The following ALDH9A1 variants were observed in gnomAD, a reference collection of about 807,000 sequenced individuals.
ALDH9A1 encodes the protein 4-trimethylaminobutyraldehyde dehydrogenase.
Under a neutral mutation model 56.6 loss-of-function variants are expected in ALDH9A1, and 42 were observed. The ratio of observed to expected loss-of-function variants is 0.74; its 90% CI spans 0.58 to 0.96. The LOEUF (loss-of-function observed/expected upper bound fraction) is 0.96. Among genes scored for constraint, ALDH9A1 ranks in the 40% least tolerant of loss-of-function variants. ALDH9A1 has a pLI of 0.00. For missense variants in ALDH9A1, 661 were observed against 651.5 expected, an observed-to-expected ratio of 1.01 and a Z score of -0.16; for synonymous variants, 242 against 236.0, an observed-to-expected ratio of 1.03 and a Z score of -0.23.
At chr1:165,697,212 T>C (rs1650117398) in intron 1 of ALDH9A1, among the ~76,000 whole-genome samples, 2 of 152,204 alleles carry the variant, frequency 1.3e-5, no homozygotes, top group Admixed American at 6.5e-5. Flanking sequence ...CATTAAGCAC[T>C]GGATTAAAAA....
chr1:165,675,812 C>T (rs1020705832), intron 6 of ALDH9A1, among the ~76,000 whole-genome samples: 2 of 152,140 alleles, frequency 1.3e-5, no homozygotes, highest in African/African-American at 4.8e-5. Flanking sequence ...CTTTTGAACA[C>T]AGTATTCTGA....
chr1:165,678,656 C>A (rs1649445988), intron 6 of ALDH9A1, among the ~76,000 whole-genome samples: 1 of 152,156 alleles, frequency 6.6e-6, no homozygotes, highest in African/African-American at 2.4e-5. Flanking sequence ...CCTACAAGAT[C>A]TTATTAACCA....
At chr1:165,687,143 G>T (rs958780849) in intron 2 of ALDH9A1, among the ~76,000 whole-genome samples, 7 of 151,982 alleles carry the variant, frequency 4.6e-5, no homozygotes, top group African/African-American at 1.5e-4. Context: ...CACACACAGG[G>T]GGTGGGAGGG....
chr1:165,672,751 A>T (rs770161368), intron 6 of ALDH9A1, among the ~76,000 whole-genome samples: 9 of 152,184 alleles, frequency 5.9e-5, no homozygotes, highest in South Asian at 2.1e-4. Flanking sequence ...AGCATGGGCA[A>T]CATGGCGAAA....
At chr1:165,681,304 CT>C (rs1420254967) in intron 4 of ALDH9A1, among the ~76,000 whole-genome samples, 3 of 152,208 alleles carry the variant, frequency 2.0e-5, no homozygotes, top group Admixed American at 2.0e-4. Flanking sequence ...TCATTTAACA[CT>C]TTCAACAGCA....
At chr1:165,680,429 A>G in intron 5 of ALDH9A1, 58 bp downstream of exon 5, 2 of 1,565,162 alleles carry the variant, frequency 1.3e-6, no homozygotes, top group Non-Finnish European at 1.7e-6. Context: ...TCTGGGTAGG[A>G]CCGGATTTGC....
rs772075459 is a variant in ALDH9A1, at chr1:165,667,434, G to A, written c.1224C>T (p.Asp408=). The change falls in exon 9 of 11, where the codon GAC becomes GAT. Residue 408 remains aspartate (D), a synonymous_variant. Transcript: ENST00000354775. ...RPCVLTNCRD[D]MTCVKEEIFG... is the part of the protein sequence containing the mutation. ...AGATCTCTTCCTTCACACAGGTCAT[G>A]TCGTCTCTGCAATTAGCTGCAAACA... is the stretch of plus-strand genomic sequence containing the variant. The A allele has an allele frequency of 2.5e-6, 4 of 1,613,998 alleles. No individual in the cohort carries two copies. Among genetic ancestry groups the A allele is most frequent in the Non-Finnish European group, 3.4e-6 (4 of 1,179,958 alleles).
intron 6 of ALDH9A1, among the ~76,000 whole-genome samples, chr1:165,677,985 A>G (rs1649421631): frequency 6.6e-6 from 1 of 152,154 alleles, no homozygotes; most frequent in African/African-American, 2.4e-5. Flanking sequence ...CAGTGAGCTG[A>G]GATCGTGCCA....
chr1:165,676,081 T>C (rs1327961933), intron 6 of ALDH9A1, among the ~76,000 whole-genome samples: 1 of 152,162 alleles, frequency 6.6e-6, no homozygotes, highest in Admixed American at 6.5e-5. Flanking sequence ...TTAAAGTATC[T>C]GGATGAACTT....
Position 165,698,515 on chromosome 1 carries a change from CGAA to C in ALDH9A1, c.41_43del (p.Leu14del), listed in dbSNP as rs1474462996. The stretch of plus-strand genomic sequence containing the variant: ...GGCGACAGGAGAGGGCCGAAGACTG[CGAA>C]GAAGCGGGGAGAGCGCGGCCAGGCC... On this transcript the variant is annotated inframe_deletion, in exon 1 of 11. Transcript: ENST00000354775. 4.3e-6 allele frequency: 7 copies of C among 1,610,142 alleles called. No homozygotes were observed. The Admixed American group carries it at 6.7e-5, about 15-fold the overall frequency.
At chr1:165,695,962 C>T (rs1650069430) in intron 1 of ALDH9A1, among the ~76,000 whole-genome samples, 1 of 152,104 alleles carries the variant, frequency 6.6e-6, no homozygotes, top group South Asian at 2.1e-4. Context: ...AGCAATTCTC[C>T]TGCCTCAGCC....
intron 2 of ALDH9A1, among the ~76,000 whole-genome samples, chr1:165,683,929 A>C (rs1479958055): frequency 6.6e-6 from 1 of 152,238 alleles, no homozygotes; most frequent in Non-Finnish European, 1.5e-5. Context: ...CCAATTTAAA[A>C]TAAATAATAG....
intron 6 of ALDH9A1, among the ~76,000 whole-genome samples, chr1:165,674,228 A>T (rs1649270091): frequency 6.6e-6 from 1 of 151,678 alleles, no homozygotes; most frequent in African/African-American, 2.4e-5. Flanking sequence ...TAACCACAAA[A>T]AGGGGCAACC....
At chr1:165,667,188 G>T in intron 9 of ALDH9A1, 121 bp downstream of exon 9, 3 of 1,344,430 alleles carry the variant, frequency 2.2e-6, no homozygotes, top group Non-Finnish European at 1.0e-6. Context: ...GAAGCAAACA[G>T]AAAGTGCTGA....
chr1:165,680,323 C>T (rs1649505510), intron 5 of ALDH9A1, among the ~76,000 whole-genome samples, 164 bp downstream of exon 5: 1 of 152,176 alleles, frequency 6.6e-6, no homozygotes, highest in Non-Finnish European at 1.5e-5. Context: ...CCCCTTCATA[C>T]TTTTACAGGA....
At chr1:165,667,796 T>C (rs931154867) in intron 8 of ALDH9A1, among the ~76,000 whole-genome samples, 1 of 152,210 alleles carries the variant, frequency 6.6e-6, no homozygotes, top group East Asian at 1.9e-4. Context: ...GCATCAAATA[T>C]GAAGTTGTTA....
intron 6 of ALDH9A1, among the ~76,000 whole-genome samples, chr1:165,670,945 C>T (rs1649159823): frequency 7.4e-6 from 1 of 134,664 alleles, no homozygotes; most frequent in South Asian, 2.4e-4. Context: ...TGGTGGTGCA[C>T]ACCTATAGTC....
chr1:165,690,815 G>T (rs1410887204), intron 2 of ALDH9A1, among the ~76,000 whole-genome samples: 1 of 152,198 alleles, frequency 6.6e-6, no homozygotes, highest in South Asian at 2.1e-4. Flanking sequence ...TGGGGGAGGG[G>T]CGTCTGCCAT....
rs149609459 is a variant in ALDH9A1 at position 165,698,454 on chromosome 1, C to T, written c.105G>A (p.Pro35=). 1.7e-5 allele frequency: 28 copies of T among 1,605,954 alleles called. No homozygotes were observed. The highest frequency in any genetic ancestry group is 1.7e-4 in the Middle Eastern group (1 of 6,056). The change falls in exon 1 of 11, where the codon CCG becomes CCA. Residue 35 remains proline, a synonymous_variant. Coordinates refer to ENST00000354775, the MANE Select transcript of ALDH9A1 (RefSeq NM_000696.4). ...CGCGGGCCCCGCCGCGGTAATTGAGCGGCTGCGACACGACGAAGGTGCCAG... is the reference window on the plus strand; with the variant it reads ...CGCGGGCCCCGCCGCGGTAATTGAGTGGCTGCGACACGACGAAGGTGCCAG... ...MSTGTFVVSQ[P]LNYRGGARVE... is the part of the protein sequence containing the mutation.
Sources: gnomAD v4.1 joint callset for allele counts (sites outside exome capture counted in the v4.1 genomes callset) on GRCh38, gnomAD v4.1.1 for gene constraint, MANE v1.5 for transcripts, NCBI Gene and HGNC (gene_info 2026-07-23, HGNC 2026-07-21) for gene names.